Variants in NAALADL2 observed in about 807,000 individuals in gnomAD.
NAALADL2 encodes the protein inactive N-acetylated-alpha-linked acidic dipeptidase-like protein 2.
A neutral mutation model predicts 87.2 loss-of-function variants in NAALADL2; 76 were observed. The ratio of observed to expected loss-of-function variants is 0.87; its 90% CI spans 0.72 to 1.05. The LOEUF is 1.05. Ranked by LOEUF, NAALADL2 falls within the 50% of genes least tolerant of loss-of-function variation. NAALADL2 has a pLI of 0.00. For missense variants in NAALADL2, 1,089 were observed against 945.8 expected, an observed-to-expected ratio of 1.15 and a Z score of -1.99; for synonymous variants, 354 against 331.0, an observed-to-expected ratio of 1.07 and a Z score of -0.75.
chr3:174,916,315 A>T (rs1049166075), intron 1 of NAALADL2, among the ~76,000 whole-genome samples: 1 of 152,116 alleles, frequency 6.6e-6, no homozygotes, highest in African/African-American at 2.4e-5. Context: ...AAATTCCTTA[A>T]TAGGAACTAA....
chr3:175,239,965 A>G (rs1231521907), intron 3 of NAALADL2, among the ~76,000 whole-genome samples: 1 of 152,218 alleles, frequency 6.6e-6, no homozygotes, highest in African/African-American at 2.4e-5. Flanking sequence ...AAATGGGAGA[A>G]ATTAAGAAAC....
chr3:175,072,707 AG>A (rs1448374690), intron 1 of NAALADL2, among the ~76,000 whole-genome samples: 4 of 98,818 alleles, frequency 4.0e-5, no homozygotes, highest in Non-Finnish European at 7.9e-5. Context: ...GGGAGGGGGG[AG>A]GGATAGCATT....
chr3:175,639,127 CGCCATAAAGCATCATGTTT>C (rs1728932079), intron 11 of NAALADL2, among the ~76,000 whole-genome samples: 1 of 151,974 alleles, frequency 6.6e-6, no homozygotes, highest in African/African-American at 2.4e-5. Flanking sequence ...TTTTCAGTGA[CGCCATAAAGCATCATGTTT>C]GCCCTAATGT....
chr3:174,770,282 T>C (rs1702069572), intron 3 of NAALADL2, among the ~76,000 whole-genome samples: 1 of 152,216 alleles, frequency 6.6e-6, no homozygotes, highest in Admixed American at 6.5e-5. Flanking sequence ...TAGGATCTAA[T>C]AGGTGACAAA....
chr3:175,556,639 A>G (rs186564121), intron 9 of NAALADL2, among the ~76,000 whole-genome samples: 1 of 152,322 alleles, frequency 6.6e-6, no homozygotes, highest in Admixed American at 6.5e-5. Flanking sequence ...CAAATATATA[A>G]CAAAAAAAAA....
chr3:175,038,398 C>T (rs894622945), intron 1 of NAALADL2, among the ~76,000 whole-genome samples: 1 of 152,078 alleles, frequency 6.6e-6, no homozygotes, highest in Admixed American at 6.6e-5. Flanking sequence ...TTGTTTTGAA[C>T]CACAAGATTA....
At chr3:175,295,748 C>A (rs920931062) in intron 4 of NAALADL2, among the ~76,000 whole-genome samples, 4 of 151,474 alleles carry the variant, frequency 2.6e-5, no homozygotes, top group African/African-American at 9.7e-5. Flanking sequence ...CACACACACT[C>A]CCTCTCTCTC....
intron 2 of NAALADL2, among the ~76,000 whole-genome samples, chr3:174,734,891 G>A (rs998042880): frequency 1.6e-4 from 25 of 152,080 alleles, no homozygotes; most frequent in Admixed American, 1.5e-3. Flanking sequence ...TAAAGCTTAA[G>A]GAAGATGGAA....
At chr3:175,219,072 T>G (rs1742962001) in intron 2 of NAALADL2, among the ~76,000 whole-genome samples, 1 of 152,126 alleles carries the variant, frequency 6.6e-6, no homozygotes, top group Non-Finnish European at 1.5e-5. Flanking sequence ...AGTTTTTTAC[T>G]CTTGTGAGTA....
At chr3:174,453,449 C>T (rs1409368858) in intron 1 of NAALADL2, among the ~76,000 whole-genome samples, 6 of 152,032 alleles carry the variant, frequency 3.9e-5, no homozygotes, top group Non-Finnish European at 5.9e-5. Flanking sequence ...AGAAGATCAT[C>T]CCCAAAGTAC....
chr3:175,728,479 G>A (rs774196040), intron 11 of NAALADL2, among the ~76,000 whole-genome samples: 26 of 152,118 alleles, frequency 1.7e-4, no homozygotes, highest in Non-Finnish European at 3.5e-4. Flanking sequence ...GAAAGGGGTC[G>A]TGAGGACTGG....
intron 11 of NAALADL2, among the ~76,000 whole-genome samples, chr3:175,668,788 T>G (rs933204020): frequency 6.6e-6 from 1 of 152,174 alleles, no homozygotes; most frequent in African/African-American, 2.4e-5. Context: ...TGCGATATAA[T>G]GAATAACAAA....
chr3:174,788,281 G>T (rs1578933840), intron 3 of NAALADL2, among the ~76,000 whole-genome samples: 1 of 150,138 alleles, frequency 6.7e-6, no homozygotes, highest in South Asian at 2.1e-4. Context: ...ATTATCAGAT[G>T]TGACATTATT....
chr3:174,710,415 C>T (rs937742793), intron 2 of NAALADL2, among the ~76,000 whole-genome samples: 2 of 151,846 alleles, frequency 1.3e-5, no homozygotes, highest in African/African-American at 2.4e-5. Context: ...CCACCACACC[C>T]GGCTAATTTT....
intron 8 of NAALADL2, among the ~76,000 whole-genome samples, chr3:175,471,224 G>A (rs1395732287): frequency 1.3e-5 from 2 of 151,874 alleles, no homozygotes; most frequent in Admixed American, 6.6e-5. Flanking sequence ...GGTGGCTCAC[G>A]TCTATAATCC....
intron 13 of NAALADL2, among the ~76,000 whole-genome samples, chr3:175,801,297 G>A (rs1030780960): frequency 2.6e-5 from 4 of 151,856 alleles, no homozygotes; most frequent in Admixed American, 6.6e-5. Flanking sequence ...ACATCCTTTT[G>A]CTGGTTTCCT....
At chr3:174,947,119 T>G (rs1291478773) in intron 1 of NAALADL2, among the ~76,000 whole-genome samples, 1 of 152,166 alleles carries the variant, frequency 6.6e-6, no homozygotes. Flanking sequence ...TTATCTATAG[T>G]GCATTTATCT....
chr3:175,674,962 C>G (rs1037473432), intron 11 of NAALADL2: 3 of 152,094 alleles, frequency 2.0e-5, no homozygotes, highest in Non-Finnish European at 2.9e-5. Context: ...TATAATACTG[C>G]TACATGCCAT....
intron 4 of NAALADL2, among the ~76,000 whole-genome samples, chr3:175,302,469 A>G (rs1411640521): frequency 6.6e-5 from 10 of 152,176 alleles, no homozygotes; most frequent in Admixed American, 6.5e-4. Context: ...ATACCATTTG[A>G]AATATGGAGT....
Sources: gnomAD v4.1 joint callset for allele counts (sites outside exome capture counted in the v4.1 genomes callset) on GRCh38, gnomAD v4.1.1 for gene constraint, MANE v1.5 for transcripts, NCBI Gene and HGNC (gene_info 2026-07-23, HGNC 2026-07-21) for gene names.